Variants in PRKACB observed in about 807,000 individuals in gnomAD.
PRKACB encodes the protein protein kinase cAMP-activated catalytic subunit beta.
In PRKACB, 16 loss-of-function variants were observed where a neutral mutation model predicts 51.4. The ratio of observed to expected loss-of-function variants is 0.31; its 90% confidence interval spans 0.21 to 0.47. PRKACB has a LOEUF of 0.47. Ranked by LOEUF, PRKACB falls within the 20% of genes least tolerant of loss-of-function variation. The probability of loss-of-function intolerance (pLI) is 1.00; values close to 1 mark genes in which losing one functional copy is unlikely to be tolerated. For synonymous variants in PRKACB, 147 were observed against 154.4 expected (o/e 0.95, Z 0.35); for missense variants, 309 against 464.5 (o/e 0.67, Z 3.08).
At chr1:84,112,188 C>T (rs1196131715) in intron 1 of PRKACB, among the ~76,000 whole-genome samples, 1 of 150,458 alleles carries the variant, frequency 6.6e-6, no homozygotes, top group Non-Finnish European at 1.5e-5. Flanking sequence ...GGCAAGTGTC[C>T]ATTTCATAAT....
At chr1:84,219,505 C>G (rs1368056696) in intron 9 of PRKACB, among the ~76,000 whole-genome samples, 1 of 151,922 alleles carries the variant, frequency 6.6e-6, no homozygotes, top group Non-Finnish European at 1.5e-5. Flanking sequence ...GCCACCATGC[C>G]CCACCCATAA....
At position 84,164,897 on chromosome 1, in the gene PRKACB, A is replaced by G. The variant is rs958044749; in HGVS notation, c.188-14280A>G. The G allele has an allele frequency of 2.2e-5, 33 of 1,476,154 alleles. No individual in the cohort carries two copies. In the Admixed American group the frequency reaches 5.9e-4, roughly 26 times the overall value. The allele number at this position is 1,476,154 out of a possible 1,614,324, so 91.4% of individuals were successfully genotyped here. On this transcript the variant is annotated intron_variant, in intron 1 of 9. Transcript: ENST00000370685. ...TCGTTTTCTGTGTGCTGCATGCTCC[A>G]GTGTGTGTGTTTACACCATCGGTTC...
chr1:84,125,495 A>G (rs568517889), intron 1 of PRKACB, among the ~76,000 whole-genome samples: 5 of 152,300 alleles, frequency 3.3e-5, no homozygotes, highest in African/African-American at 1.2e-4. Context: ...AGTTAGGCAT[A>G]TATTGAAACA....
intron 5 of PRKACB, among the ~76,000 whole-genome samples, chr1:84,195,836 C>G (rs890268366): frequency 2.6e-5 from 4 of 151,832 alleles, no homozygotes; most frequent in African/African-American, 9.7e-5. Context: ...TCGCTTGAAC[C>G]CAGGAGGCGG....
At chr1:84,216,018 T>G (rs943753744) in intron 9 of PRKACB, among the ~76,000 whole-genome samples, 3 of 152,152 alleles carry the variant, frequency 2.0e-5, no homozygotes, top group African/African-American at 7.2e-5. Flanking sequence ...ACAGTTTTTC[T>G]AATTTATATA....
intron 1 of PRKACB, among the ~76,000 whole-genome samples, chr1:84,136,093 A>C (rs1048713997): frequency 2.0e-5 from 3 of 152,120 alleles, no homozygotes; most frequent in African/African-American, 7.2e-5. Flanking sequence ...GGGCATTAAA[A>C]AGATAATAAA....
chr1:84,078,087 TGCCACCGCCGTCGCC>T (rs1647227351), upstream of PRKACB: 1 of 400,324 alleles, frequency 2.5e-6, no homozygotes, highest in African/African-American at 2.1e-5. Flanking sequence ...CCACTGCTGC[TGCCACCGCCGTCGCC>T]GCCGCCGCCG....
chr1:84,234,761 C>A (rs41301180), intron 9 of PRKACB, among the ~76,000 whole-genome samples: 3 of 152,344 alleles, frequency 2.0e-5, no homozygotes, highest in Middle Eastern at 3.4e-3. Flanking sequence ...CAATGCCTTG[C>A]CCTGCTTCGG....
intron 1 of PRKACB, among the ~76,000 whole-genome samples, chr1:84,113,447 G>C (rs77460982): frequency 0.017 from 2,549 of 152,216 alleles, 194 homozygotes; most frequent in Admixed American, 0.14. Flanking sequence ...CAGGTGCTTT[G>C]GAAACAGTTT....
upstream of PRKACB, among the ~76,000 whole-genome samples, chr1:84,141,687 AC>A (rs1653434019): frequency 6.6e-6 from 1 of 152,138 alleles, no homozygotes; most frequent in African/African-American, 2.4e-5. Flanking sequence ...GGAATCTGCA[AC>A]TTCTGTACTT....
intron 1 of PRKACB, among the ~76,000 whole-genome samples, chr1:84,171,879 CAACA>C (rs1659611653): frequency 6.6e-6 from 1 of 151,340 alleles, no homozygotes; most frequent in African/African-American, 2.4e-5. Flanking sequence ...TATACATCAG[CAACA>C]AACAAAAAAG....
At chr1:84,161,345 TTATATC>T (rs1479377944) in intron 1 of PRKACB, among the ~76,000 whole-genome samples, 1 of 151,912 alleles carries the variant, frequency 6.6e-6, no homozygotes, top group African/African-American at 2.4e-5. Flanking sequence ...TTTAGCCTAT[TTATATC>T]TATGAATCTA....
At chr1:84,176,432 T>G in intron 1 of PRKACB, among the ~76,000 whole-genome samples, 1 of 151,878 alleles carries the variant, frequency 6.6e-6, no homozygotes, top group East Asian at 1.9e-4. Context: ...GCTTATTGTT[T>G]TAGGGTTACA....
chr1:84,117,256 C>A (rs917948892), intron 1 of PRKACB, among the ~76,000 whole-genome samples: 8 of 151,908 alleles, frequency 5.3e-5, no homozygotes. Context: ...GGATGTTGAC[C>A]TGTAGTTTTC....
At chr1:84,104,393 G>A (rs1649576287) in intron 1 of PRKACB, among the ~76,000 whole-genome samples, 1 of 152,102 alleles carries the variant, frequency 6.6e-6, no homozygotes, top group Admixed American at 6.6e-5. Context: ...GTTGATAGAT[G>A]TTTAGGTTGA....
At chr1:84,184,635 T>C (rs1457570827) in intron 4 of PRKACB, among the ~76,000 whole-genome samples, 1 of 151,958 alleles carries the variant, frequency 6.6e-6, no homozygotes, top group African/African-American at 2.4e-5. Context: ...TACTGGCATC[T>C]CTCTGCAATA....
intron 1 of PRKACB, among the ~76,000 whole-genome samples, chr1:84,110,394 A>G (rs1182498995): frequency 6.6e-6 from 1 of 151,790 alleles, no homozygotes; most frequent in Non-Finnish European, 1.5e-5. Context: ...AAGTATATAT[A>G]TATACTTGAG....
chr1:84,165,125 T>G, intron 1 of PRKACB: 1 of 895,374 alleles, frequency 1.1e-6, no homozygotes, highest in East Asian at 2.8e-5. Context: ...TGAATTATAT[T>G]TTGTGGTGAC....
intron 1 of PRKACB, among the ~76,000 whole-genome samples, chr1:84,135,388 G>T (rs1225231692): frequency 6.6e-6 from 1 of 152,172 alleles, no homozygotes; most frequent in Non-Finnish European, 1.5e-5. Context: ...CAGAAAATCA[G>T]TGTAAGTAGG....
Sources: allele counts gnomAD v4.1 joint callset (sites outside exome capture counted in the v4.1 genomes callset), GRCh38; gene constraint gnomAD v4.1.1; transcripts MANE v1.5; gene names NCBI Gene and HGNC (gene_info 2026-07-23, HGNC 2026-07-21).